The following GRIA1 variants were observed in gnomAD, a reference collection of about 807,000 sequenced individuals.
GRIA1 encodes the protein glutamate ionotropic receptor AMPA type subunit 1.
Under a neutral mutation model 99.2 loss-of-function variants are expected in GRIA1, and 31 were observed. The observed-to-expected ratio is 0.31, with a 90% CI of 0.23 to 0.42. The LOEUF is 0.42. Among genes scored for constraint, GRIA1 ranks in the 10% least tolerant of loss-of-function variants. GRIA1 has a pLI of 1.00. For synonymous variants in GRIA1, 438 were observed against 432.4 expected, an observed-to-expected ratio of 1.01 and a Z score of -0.16; for missense variants, 782 against 1,157.5, an observed-to-expected ratio of 0.68 and a Z score of 4.71.
chr5:153,800,594 G>A (rs1204663305), intron 14 of GRIA1, among the ~76,000 whole-genome samples: 1 of 152,122 alleles, frequency 6.6e-6, no homozygotes, highest in Admixed American at 6.5e-5. Flanking sequence ...CTATATTCAA[G>A]AGCCATCTGC....
At chr5:153,805,964 AG>A (rs1004172870) in intron 15 of GRIA1, among the ~76,000 whole-genome samples, 1 of 152,208 alleles carries the variant, frequency 6.6e-6, no homozygotes, top group Non-Finnish European at 1.5e-5. Context: ...ACTGCAGAAA[AG>A]GTACTTTCTT....
chr5:153,741,484 G>A (rs867661898), intron 11 of GRIA1, among the ~76,000 whole-genome samples: 1 of 152,136 alleles, frequency 6.6e-6, no homozygotes, highest in Non-Finnish European at 1.5e-5. Context: ...ATTCACAGTT[G>A]CCAAAATATG....
chr5:153,710,395 G>T (rs1410456992), intron 11 of GRIA1, among the ~76,000 whole-genome samples: 2 of 151,970 alleles, frequency 1.3e-5, no homozygotes, highest in African/African-American at 2.4e-5. Context: ...GCTAATTTTT[G>T]TATTTTTTGT....
At chr5:153,744,836 G>T (rs771092304) in intron 11 of GRIA1, among the ~76,000 whole-genome samples, 38 of 152,296 alleles carry the variant, frequency 2.5e-4, no homozygotes, top group South Asian at 1.2e-3. Context: ...TTAGTGTAGT[G>T]CTAACAATGA....
At chr5:153,498,567 C>A (rs1754662260) in intron 2 of GRIA1, among the ~76,000 whole-genome samples, 1 of 152,146 alleles carries the variant, frequency 6.6e-6, no homozygotes, top group Admixed American at 6.5e-5. Flanking sequence ...ACTGGGGAAG[C>A]CCAGGGGCTT....
rs576872065 is a variant in GRIA1, at chr5:153,738,478, A to G, written c.1824-25956A>G. Among the ~76,000 whole-genome samples the G allele has an allele frequency of 5.3e-5, 8 of 152,264 alleles. No individual in the cohort carries two copies. The South Asian group carries it at 1.2e-3, about 24-fold the overall frequency. ...ACTTCCCTCATAGTGTGAGATGAGG[A>G]ATAAATATAAACATCTTGTAGAATT... is the stretch of plus-strand genomic sequence containing the variant. On this transcript the variant is annotated intron_variant, in intron 11 of 15. Coordinates refer to ENST00000285900, the MANE Select transcript of GRIA1 (RefSeq NM_000827.4).
intron 10 of GRIA1, among the ~76,000 whole-genome samples, chr5:153,699,720 C>CCT (rs1561780272): frequency 6.6e-6 from 1 of 151,982 alleles, no homozygotes; most frequent in Non-Finnish European, 1.5e-5. Context: ...CCTTATATAA[C>CCT]GGTTACCTGT....
At chr5:153,685,495 C>T (rs17115039) in intron 7 of GRIA1, among the ~76,000 whole-genome samples, 10,433 of 152,242 alleles carry the variant, frequency 0.069, 404 homozygotes, top group Middle Eastern at 0.13. Flanking sequence ...TCTTTAACAC[C>T]TTGCATTCTC....
At chr5:153,634,969 T>C (rs1054571002) in intron 2 of GRIA1, among the ~76,000 whole-genome samples, 3 of 152,180 alleles carry the variant, frequency 2.0e-5, no homozygotes, top group Non-Finnish European at 4.4e-5. Context: ...TTTTTGTCCT[T>C]TCACTTCCTC....
chr5:153,490,931 G>T lies in GRIA1; in HGVS notation c.43G>T (p.Ala15Ser). The T allele has an allele frequency of 6.2e-7, 1 of 1,614,128 alleles. No homozygotes were observed. The highest frequency in any genetic ancestry group is 8.5e-7 in the Non-Finnish European group (1 of 1,180,004). The change falls in exon 1 of 16, where the codon GCG (alanine) becomes TCG (serine). Residue 15 changes from alanine (A) to serine (S), a missense_variant. Ala to Ser is a moderately conservative substitution (Grantham distance 99). Transcript: ENST00000285900. ...CTTCTTCTGCACCGGTTTCCTAGGC[G>T]CGGTAGTAGGTGCCAATTTCCCCAA... Reference protein sequence around the residue: ...FAFFCTGFLGAVVGANFPNNI... With the variant: ...FAFFCTGFLGSVVGANFPNNI...
At chr5:153,552,248 GA>G (rs72179001) in intron 2 of GRIA1, among the ~76,000 whole-genome samples, 135 of 147,392 alleles carry the variant, frequency 9.2e-4, no homozygotes, top group Middle Eastern at 3.5e-3. Context: ...CAAAAAAAAA[GA>G]AAAAAAAAAA....
intron 2 of GRIA1, among the ~76,000 whole-genome samples, chr5:153,564,440 G>A (rs72800799): frequency 0.097 from 14,723 of 152,118 alleles, 782 homozygotes; most frequent in South Asian, 0.19. Context: ...CCCCAAACTC[G>A]GTGACTTTCT....
chr5:153,626,102 C>T (rs1012897912), intron 2 of GRIA1, among the ~76,000 whole-genome samples: 2 of 152,272 alleles, frequency 1.3e-5, no homozygotes. Flanking sequence ...CTGACCTTCA[C>T]GTTTCTTAAC....
intron 2 of GRIA1, among the ~76,000 whole-genome samples, chr5:153,538,821 C>T (rs959605854): frequency 2.1e-4 from 32 of 152,160 alleles, no homozygotes; most frequent in Admixed American, 7.2e-4. Context: ...CCTACAGGTG[C>T]GTTCATATGG....
Position 153,686,548 on chromosome 5 carries a change from TA to T in GRIA1, c.1134+226del, listed in dbSNP as rs564927398. 2.0e-5 allele frequency among the ~76,000 whole-genome samples: 3 copies of T among 152,300 alleles called. No individual in the cohort carries two copies. The East Asian group carries it at 5.8e-4, about 29-fold the overall frequency. ...ATTCATTCATTTGCAAAATTAAGTTTAAAAAAATCTCTACATTTGTCCCAGG... is the reference window on the plus strand; with the variant it reads ...ATTCATTCATTTGCAAAATTAAGTTTAAAAAATCTCTACATTTGTCCCAGG... On this transcript the variant is annotated intron_variant, in intron 8 of 15. Transcript: ENST00000285900.
intron 2 of GRIA1, among the ~76,000 whole-genome samples, chr5:153,547,177 T>G (rs934047967): frequency 7.5e-6 from 1 of 133,716 alleles, no homozygotes; most frequent in Non-Finnish European, 1.5e-5. Context: ...TTTGTGTGAT[T>G]TTTTTTTTAG....
rs149841600 is a variant in GRIA1 at position 153,793,459 on chromosome 5, T to A, written c.2271-1162T>A. ...GGTGATACCATCATCAGAGTAATCCTTAGGAGAAAGTAGATAAATAGAAGA... is the reference window on the plus strand; with the variant it reads ...GGTGATACCATCATCAGAGTAATCCATAGGAGAAAGTAGATAAATAGAAGA... On this transcript the variant is annotated intron_variant, in intron 13 of 15. Transcript: ENST00000285900. Among the ~76,000 whole-genome samples, 267 of 152,264 alleles carry A rather than the reference T, an allele frequency of 1.8e-3. 1 individual carries two copies. Among genetic ancestry groups the A allele is most frequent in the African/African-American group, 6.2e-3 (259 of 41,554 alleles).
chr5:153,729,145 A>G (rs1447908374), intron 11 of GRIA1, among the ~76,000 whole-genome samples: 2 of 151,346 alleles, frequency 1.3e-5, no homozygotes, highest in South Asian at 2.1e-4. Context: ...CAAAAAACCA[A>G]ACACCGCATA....
chr5:153,533,928 C>T (rs967449663), intron 2 of GRIA1, among the ~76,000 whole-genome samples: 9 of 152,174 alleles, frequency 5.9e-5, no homozygotes, highest in Non-Finnish European at 1.2e-4. Context: ...CCCATGGTCA[C>T]CTATGTGAAA....
Sources: allele counts gnomAD v4.1 joint callset (sites outside exome capture counted in the v4.1 genomes callset), GRCh38; gene constraint gnomAD v4.1.1; transcripts MANE v1.5; gene names NCBI Gene and HGNC (gene_info 2026-07-23, HGNC 2026-07-21).